Variants in ZNF385B observed in about 807,000 individuals in gnomAD.
ZNF385B encodes the protein zinc finger protein 385B.
ZNF385B carries 23 observed loss-of-function variants against 39.2 expected under a neutral mutation model. The ratio of observed to expected loss-of-function variants is 0.59; its 90% CI spans 0.42 to 0.83. ZNF385B has a LOEUF of 0.83. Among genes scored for constraint, ZNF385B ranks in the 40% least tolerant of loss-of-function variants. ZNF385B has a pLI of 0.00. For synonymous variants in ZNF385B, 205 were observed against 222.6 expected (o/e 0.92, Z 0.70); for missense variants, 552 against 598.9 (o/e 0.92, Z 0.82).
At chr2:179,578,552 C>T (rs968776469) in intron 3 of ZNF385B, among the ~76,000 whole-genome samples, 1 of 152,098 alleles carries the variant, frequency 6.6e-6, no homozygotes, top group Non-Finnish European at 1.5e-5. Flanking sequence ...CTACCTCACT[C>T]ATATACACAT....
intron 5 of ZNF385B, among the ~76,000 whole-genome samples, chr2:179,509,410 A>T (rs2057495441): frequency 6.6e-6 from 1 of 152,216 alleles, no homozygotes; most frequent in African/African-American, 2.4e-5. Flanking sequence ...GAACTTTGTT[A>T]TGAGCTTGTT....
At chr2:179,721,009 T>TC (rs146634082) in intron 3 of ZNF385B, among the ~76,000 whole-genome samples, 7,810 of 145,366 alleles carry the variant, frequency 0.054, 274 homozygotes, top group Middle Eastern at 0.09. Context: ...CCTTAAGTGA[T>TC]CCCCCCACTT....
intron 3 of ZNF385B, among the ~76,000 whole-genome samples, chr2:179,615,347 G>C (rs1176498477): frequency 6.6e-6 from 1 of 152,168 alleles, no homozygotes; most frequent in Admixed American, 6.5e-5. Context: ...TTCTTAAAGT[G>C]TGGTCCTTGT....
At chr2:179,460,921 A>C (rs2051260211) in intron 6 of ZNF385B, among the ~76,000 whole-genome samples, 1 of 152,064 alleles carries the variant, frequency 6.6e-6, no homozygotes, top group South Asian at 2.1e-4. Flanking sequence ...GCAACTATTA[A>C]ACTTTTCCTA....
chr2:179,670,158 G>A (rs1276276128), intron 3 of ZNF385B, among the ~76,000 whole-genome samples: 5 of 152,062 alleles, frequency 3.3e-5, no homozygotes, highest in Admixed American at 6.5e-5. Context: ...CGGGCGTGAT[G>A]GCGGGCGCCT....
chr2:179,452,910 T>C (rs546109769), intron 6 of ZNF385B, among the ~76,000 whole-genome samples: 1 of 152,286 alleles, frequency 6.6e-6, no homozygotes, highest in East Asian at 1.9e-4. Flanking sequence ...ATGGCTGTGA[T>C]CCAGTAAAAT....
At chr2:179,537,777 A>T (rs945716221) in intron 4 of ZNF385B, among the ~76,000 whole-genome samples, 3 of 151,784 alleles carry the variant, frequency 2.0e-5, no homozygotes, top group Admixed American at 2.0e-4. Flanking sequence ...AAAAAAAAAA[A>T]TTAATAGAAA....
intron 3 of ZNF385B, among the ~76,000 whole-genome samples, chr2:179,670,627 A>G (rs948076824): frequency 2.6e-5 from 4 of 152,352 alleles, no homozygotes; most frequent in African/African-American, 9.6e-5. Context: ...TGAAAAGCTA[A>G]TGATTGGTTC....
intron 6 of ZNF385B, among the ~76,000 whole-genome samples, chr2:179,452,023 AC>A: frequency 6.6e-6 from 1 of 152,088 alleles, no homozygotes; most frequent in Non-Finnish European, 1.5e-5. Flanking sequence ...AGGTTTTCTG[AC>A]TGTCCTAATT....
chr2:179,744,555 T>A (rs1446094708), intron 3 of ZNF385B, among the ~76,000 whole-genome samples: 4 of 152,138 alleles, frequency 2.6e-5, no homozygotes, highest in African/African-American at 9.7e-5. Context: ...TTGCTCCTGA[T>A]GCGTCTGCTT....
chr2:179,666,697 A>G (rs1353193252), intron 3 of ZNF385B, among the ~76,000 whole-genome samples: 1 of 151,606 alleles, frequency 6.6e-6, no homozygotes, highest in Non-Finnish European at 1.5e-5. Flanking sequence ...TTTAATCTTT[A>G]TTGAGTTTCC....
chr2:179,504,892 T>G (rs556709500), intron 5 of ZNF385B, among the ~76,000 whole-genome samples: 1 of 151,496 alleles, frequency 6.6e-6, no homozygotes, highest in East Asian at 1.9e-4. Flanking sequence ...TGCTAAACCA[T>G]TCATGAGAAA....
chr2:179,486,473 A>C (rs1347804213), intron 5 of ZNF385B, among the ~76,000 whole-genome samples: 1 of 152,246 alleles, frequency 6.6e-6, no homozygotes, highest in African/African-American at 2.4e-5. Flanking sequence ...AGAAGTAAAA[A>C]ATATACACAA....
chr2:179,745,854 T>G (rs1265045921), intron 3 of ZNF385B: 2 of 1,345,278 alleles, frequency 1.5e-6, no homozygotes, highest in African/African-American at 3.0e-5. Context: ...TGATTATCTG[T>G]GTGACAGCAC....
chr2:179,535,820 T>C (rs1358382137), intron 4 of ZNF385B, among the ~76,000 whole-genome samples: 1 of 152,228 alleles, frequency 6.6e-6, no homozygotes, highest in Non-Finnish European at 1.5e-5. Context: ...AGCACTCCAA[T>C]TCATCTTTAG....
chr2:179,583,796 A>G (rs11695089), intron 3 of ZNF385B, among the ~76,000 whole-genome samples: 15,948 of 152,224 alleles, frequency 0.1, 969 homozygotes, highest in Middle Eastern at 0.19. Flanking sequence ...TCTTCCTACT[A>G]TCCCCATGAT....
chr2:179,557,557 ATGTT>A, intron 3 of ZNF385B, among the ~76,000 whole-genome samples: 1 of 106,008 alleles, frequency 9.4e-6, no homozygotes, highest in Non-Finnish European at 2.0e-5. Flanking sequence ...ACATATATAC[ATGTT>A]ATATATGTAT....
At chr2:179,769,869 ATTAATCTT>A in intron 2 of ZNF385B, 67 bp from the exon 3 acceptor site, 1 of 1,435,962 alleles carries the variant, frequency 7.0e-7, no homozygotes. Flanking sequence ...TATGATTACA[ATTAATCTT>A]TAAGGGTTTG....
chr2:179,599,909 T>C (rs191108902), intron 3 of ZNF385B, among the ~76,000 whole-genome samples: 20 of 152,320 alleles, frequency 1.3e-4, no homozygotes, highest in African/African-American at 4.6e-4. Context: ...CCCCATCCTA[T>C]TGGGCTACGA....
Sources: gnomAD v4.1 joint callset for allele counts (sites outside exome capture counted in the v4.1 genomes callset) on GRCh38, gnomAD v4.1.1 for gene constraint, MANE v1.5 for transcripts, NCBI Gene and HGNC (gene_info 2026-07-23, HGNC 2026-07-21) for gene names.